DNAJC11: variants seen among roughly 807,000 people sequenced by gnomAD.
DNAJC11 encodes dnaJ homolog subfamily C member 11.
A neutral mutation model predicts 78.6 loss-of-function variants in DNAJC11; 15 were observed. That is an observed-to-expected ratio of 0.19 (90% CI 0.13 to 0.29). DNAJC11 has a LOEUF of 0.29. DNAJC11 is among the 10% of genes least tolerant of loss of function. DNAJC11 has a pLI of 1.00. For missense variants in DNAJC11, 547 were observed against 709.6 expected (o/e 0.77, Z 2.60); for synonymous variants, 292 against 272.1 (o/e 1.07, Z -0.72).
At position 6,636,179 on chromosome 1, in the gene DNAJC11, A is replaced by C. The variant is rs1641764368; in HGVS notation, c.1592T>G (p.Phe531Cys). ...EEKNLKVLYQ[F>C]RGVLHQVMVL... ...CATCACCTGATGCAGGACGCCCCGGAACTGATAGAGCACTTTCAGGTTCTT... is the reference window on the plus strand; with the variant it reads ...CATCACCTGATGCAGGACGCCCCGGCACTGATAGAGCACTTTCAGGTTCTT... Residue 531 changes from phenylalanine to cysteine, a missense_variant, in exon 15 of 16, where the codon TTC becomes TGC. Physicochemically the swap from Phe to Cys is radical, Grantham distance 205. Coordinates refer to ENST00000377577, the MANE Select transcript of DNAJC11 (RefSeq NM_018198.4). 1 of 1,614,182 alleles carries C rather than the reference A, an allele frequency of 6.2e-7. No individual in the cohort carries two copies. Among genetic ancestry groups the C allele is most frequent in the Non-Finnish European group, 8.5e-7 (1 of 1,180,028 alleles).
intron 1 of DNAJC11, among the ~76,000 whole-genome samples, chr1:6,683,119 C>G (rs976517443): frequency 6.6e-6 from 1 of 152,104 alleles, no homozygotes; most frequent in African/African-American, 2.4e-5. Context: ...TTGGTGAGAC[C>G]CCACTCCGCG....
Position 6,640,071 on chromosome 1 carries a change from CAAAAA to C in DNAJC11, c.1098-19_1098-15del. 29 of 1,216,816 alleles carry C rather than the reference CAAAAA, an allele frequency of 2.4e-5. No individual in the cohort carries two copies. Among genetic ancestry groups the C allele is most frequent in the Admixed American group, 8.9e-5 (2 of 22,486 alleles). The allele number at this position is 1,216,816 out of a possible 1,614,324, so 75.4% of individuals were successfully genotyped here. Reference sequence around the variant, plus strand: ...GCCCTGTTGAGCCTGGGGAAAAATACAAAAAAAAAAAAAAAAAAGCCAAGATGAAT... The same window carrying C: ...GCCCTGTTGAGCCTGGGGAAAAATACAAAAAAAAAAAAAGCCAAGATGAAT... On this transcript the variant is annotated splice_polypyrimidine_tract_variant and intron_variant, in intron 10 of 15. Coordinates refer to ENST00000377577, the MANE Select transcript of DNAJC11 (RefSeq NM_018198.4).
intron 12 of DNAJC11, 123 bp from the exon 13 acceptor site, chr1:6,637,627 G>A: frequency 9.0e-7 from 1 of 1,105,048 alleles, no homozygotes; most frequent in Non-Finnish European, 1.3e-6. Flanking sequence ...GGAAAGGAAG[G>A]GAGTGGGCAC....
In DNAJC11 at chr1:6,635,341, C is replaced by T. The variant is rs1317985704; in HGVS notation, c.*334G>A. On this transcript the variant is annotated 3_prime_UTR_variant, in exon 16 of 16. Transcript: ENST00000377577. The stretch of plus-strand genomic sequence containing the variant: ...CTCCACAGACACCTCCAGACCCAGC[C>T]AAGAACTACAGGGCGGCGGGCTGCG... 3.9e-6 allele frequency: 1 copy of T among 255,440 alleles called. No individual in the cohort carries two copies. The highest frequency in any genetic ancestry group is 2.2e-5 in the African/African-American group (1 of 44,846). 15.8% of individuals were successfully genotyped at this position (255,440 alleles called of 1,614,324 possible).
At chr1:6,693,758 T>G (rs1642789180) in intron 1 of DNAJC11, among the ~76,000 whole-genome samples, 1 of 151,834 alleles carries the variant, frequency 6.6e-6, no homozygotes, top group African/African-American at 2.4e-5. Context: ...CAGCCTAGAG[T>G]GTGGTGGTGT....
Position 6,654,001 on chromosome 1 carries a change from A to G in DNAJC11, c.417T>C (p.Phe139=), listed in dbSNP as rs765820232. The change falls in exon 5 of 16, where the codon TTT becomes TTC. Residue 139 remains phenylalanine, a synonymous_variant. Transcript: ENST00000377577. ...CTTCATACTCCTCATCATAGCGATC[A>G]AAAAGGTCGGTGGCATCTACTCCAA... ...ISVGVDATDL[F]DRYDEEYEDV... is the part of the protein sequence containing the mutation. 1 of 1,613,498 alleles carries G rather than the reference A, an allele frequency of 6.2e-7. No individual in the cohort carries two copies. Among genetic ancestry groups the G allele is most frequent in the Admixed American group, 1.7e-5 (1 of 60,000 alleles).
chr1:6,654,881 C>T (rs186169809), intron 4 of DNAJC11, among the ~76,000 whole-genome samples: 4 of 152,134 alleles, frequency 2.6e-5, no homozygotes, highest in East Asian at 3.9e-4. Flanking sequence ...TCACTGCAAC[C>T]TCCGCCTCCT....
At chr1:6,674,296 C>T (rs749753513) in intron 3 of DNAJC11, among the ~76,000 whole-genome samples, 1 of 152,038 alleles carries the variant, frequency 6.6e-6, no homozygotes, top group Non-Finnish European at 1.5e-5. Context: ...CACGGTGGCT[C>T]ACATTTGTAA....
chr1:6,635,541 T>G lies in DNAJC11; in HGVS notation c.*134A>C. On this transcript the variant is annotated 3_prime_UTR_variant, in exon 16 of 16. Transcript: ENST00000377577. ...GGTGTCTGCATGTCCCTTCACATAA[T>G]TGATAATGGTACCACCTTCTATAAT... 1 of 1,009,722 alleles carries G rather than the reference T, an allele frequency of 9.9e-7. No homozygotes were observed. Among genetic ancestry groups the G allele is most frequent in the South Asian group, 1.6e-5 (1 of 61,036 alleles). 62.5% of individuals were successfully genotyped at this position (1,009,722 alleles called of 1,614,324 possible).
At chr1:6,678,718 T>A (rs1227793603) in intron 2 of DNAJC11, among the ~76,000 whole-genome samples, 1 of 152,200 alleles carries the variant, frequency 6.6e-6, no homozygotes, top group East Asian at 1.9e-4. Flanking sequence ...AATGGTAAGA[T>A]CATAGCTCAC....
intron 1 of DNAJC11, among the ~76,000 whole-genome samples, chr1:6,688,945 G>T (rs541466258): frequency 2.6e-5 from 4 of 152,202 alleles, no homozygotes; most frequent in Non-Finnish European, 1.5e-5. Flanking sequence ...TGGTGACTCA[G>T]ACAGCCACGG....
chr1:6,643,182 G>A (rs1557466836), intron 10 of DNAJC11, among the ~76,000 whole-genome samples: 1 of 152,082 alleles, frequency 6.6e-6, no homozygotes, highest in Non-Finnish European at 1.5e-5. Flanking sequence ...CTGATGAGGT[G>A]AGAAAGGCTG....
At chr1:6,650,412 A>T (rs994820621) in intron 7 of DNAJC11, among the ~76,000 whole-genome samples, 1 of 152,064 alleles carries the variant, frequency 6.6e-6, no homozygotes. Flanking sequence ...AAAAAAACTA[A>T]ACAATGAGCC....
intron 3 of DNAJC11, among the ~76,000 whole-genome samples, chr1:6,676,783 C>T (rs34202439): frequency 0.028 from 4,294 of 152,214 alleles, 89 homozygotes; most frequent in Non-Finnish European, 0.042. Context: ...GAAATAGGAT[C>T]CTCTTTTGCT....
intron 3 of DNAJC11, 50 bp downstream of exon 3, chr1:6,678,344 G>A: frequency 1.3e-6 from 2 of 1,525,202 alleles, no homozygotes; most frequent in African/African-American, 1.4e-5. Flanking sequence ...GAGATGTTCT[G>A]TAACTGTTTA....
Position 6,645,220 on chromosome 1 carries a change from T to G in DNAJC11, c.895-94A>C, listed in dbSNP as rs566077297. 52 of 972,406 alleles carry G rather than the reference T, an allele frequency of 5.3e-5. No homozygotes were observed. The South Asian group carries it at 6.7e-4, about 13-fold the overall frequency. The allele number at this position is 972,406 out of a possible 1,614,324, so 60.2% of individuals were successfully genotyped here. The stretch of plus-strand genomic sequence containing the variant: ...CCTCCCACTAGCTCTGGGCATCTGC[T>G]GCACACAGGCCTTTAAGGCAGGGGT... On this transcript the variant is annotated intron_variant, in intron 8 of 15. Coordinates refer to ENST00000377577, the MANE Select transcript of DNAJC11 (RefSeq NM_018198.4). The surrounding 1 kb of genome is among the most constrained non-coding windows in gnomAD (Gnocchi z 4.1).
chr1:6,634,935 G>T lies in DNAJC11; in HGVS notation c.*740C>A, dbSNP rs1570256185. ...TGGTGCAGGCGGTGGAGGGACACAG[G>T]CCAGCTCAAGCCCGCTGGTGGCAGG... On this transcript the variant is annotated 3_prime_UTR_variant, in exon 16 of 16. Coordinates refer to ENST00000377577, the MANE Select transcript of DNAJC11 (RefSeq NM_018198.4). 9.1e-7 allele frequency: 1 copy of T among 1,101,648 alleles called. No homozygotes were observed. The allele number at this position is 1,101,648 out of a possible 1,614,324, so 68.2% of individuals were successfully genotyped here.
chr1:6,664,468 G>A (rs923919042), intron 4 of DNAJC11, among the ~76,000 whole-genome samples: 11 of 152,046 alleles, frequency 7.2e-5, no homozygotes, highest in African/African-American at 2.4e-4. Flanking sequence ...TCGATCTCCT[G>A]ACCTCGTAAT....
chr1:6,689,890 G>A (rs1642718066), intron 1 of DNAJC11, among the ~76,000 whole-genome samples: 1 of 152,120 alleles, frequency 6.6e-6, no homozygotes, highest in Non-Finnish European at 1.5e-5. Context: ...GCATCACAGA[G>A]CTTTAAAGGC....
Sources: gnomAD v4.1 joint callset for allele counts (sites outside exome capture counted in the v4.1 genomes callset) on GRCh38, gnomAD v4.1.1 for gene constraint, Gnocchi (gnomAD v3.1) non-coding constraint, MANE v1.5 for transcripts, NCBI Gene and HGNC (gene_info 2026-07-23, HGNC 2026-07-21) for gene names.